The following DMD variants were observed in gnomAD, a reference collection of about 807,000 sequenced individuals.
The protein encoded by DMD is dystrophin.
A neutral mutation model predicts 330.1 loss-of-function variants in DMD; 63 were observed. The observed-to-expected ratio is 0.19, with a 90% CI of 0.16 to 0.24. The LOEUF is 0.24. Ranked by LOEUF, DMD falls within the 10% of genes least tolerant of loss-of-function variation. The pLI is 1.00. For synonymous variants in DMD, 1,223 were observed against 959.8 expected (o/e 1.27, Z -5.07); for missense variants, 3,344 against 2,684.1 (o/e 1.25, Z -5.43).
chrX:31,760,779 T>G (rs1343736639), intron 51 of DMD, among the ~76,000 whole-genome samples: 1 of 111,434 alleles, frequency 9.0e-6, no homozygotes, highest in African/African-American at 3.3e-5. Context: ...ATTTTTCTCT[T>G]ACCTTCCTTA....
chrX:31,188,255 G>C (rs1200887469), intron 67 of DMD, among the ~76,000 whole-genome samples: 5 of 111,420 alleles, frequency 4.5e-5, no homozygotes, highest in African/African-American at 1.3e-4. Context: ...CTTTTGTCTG[G>C]CAATGAAGAA....
intron 52 of DMD, among the ~76,000 whole-genome samples, chrX:31,707,671 A>C (rs1392543861): frequency 8.9e-6 from 1 of 111,918 alleles, no homozygotes; most frequent in Non-Finnish European, 1.9e-5. Context: ...CAATGAGAGA[A>C]GGATATAGGA....
chrX:33,057,861 A>T (rs2148103), intron 1 of DMD, among the ~76,000 whole-genome samples: 612 of 110,044 alleles, frequency 5.6e-3, no homozygotes, highest in Middle Eastern at 9.3e-3. Context: ...GATATACCCA[A>T]TTTTTGTTTT....
intron 74 of DMD, among the ~76,000 whole-genome samples, chrX:31,159,256 A>G (rs2148064599): frequency 9.0e-6 from 1 of 111,696 alleles, no homozygotes; most frequent in African/African-American, 3.3e-5. Context: ...AAAGACTGGG[A>G]ATCATGCTCA....
chrX:32,483,332 T>C (rs929120986), intron 21 of DMD, among the ~76,000 whole-genome samples: 2 of 105,269 alleles, frequency 1.9e-5, no homozygotes, highest in Non-Finnish European at 3.9e-5. Context: ...TTTGTAGGTA[T>C]GAAATTTAAA....
At chrX:32,141,420 A>G (rs1308323038) in intron 44 of DMD, among the ~76,000 whole-genome samples, 1 of 104,496 alleles carries the variant, frequency 9.6e-6, no homozygotes, top group Non-Finnish European at 2.0e-5. Flanking sequence ...TGGGTGACAG[A>G]GCGAGACTCC....
intron 44 of DMD, among the ~76,000 whole-genome samples, chrX:32,178,832 T>G (rs1457364000): frequency 1.7e-4 from 8 of 46,951 alleles, no homozygotes; most frequent in Non-Finnish European, 3.7e-4. Context: ...TTCCAGGGGG[T>G]GTGTGTGTGT....
intron 44 of DMD, among the ~76,000 whole-genome samples, chrX:32,122,853 A>G (rs2096642849): frequency 9.0e-6 from 1 of 111,218 alleles, no homozygotes. Context: ...ACTACTCATA[A>G]GGACTTTTCT....
intron 45 of DMD, among the ~76,000 whole-genome samples, chrX:31,951,192 A>C (rs2095174469): frequency 1.2e-5 from 1 of 81,827 alleles, no homozygotes; most frequent in African/African-American, 5.3e-5. Context: ...TATATATCTT[A>C]ATAGATATCT....
At chrX:32,022,905 T>C (rs1421376077) in intron 44 of DMD, among the ~76,000 whole-genome samples, 3 of 105,595 alleles carry the variant, frequency 2.8e-5, no homozygotes, top group Non-Finnish European at 5.8e-5. Context: ...CGATCTCGGC[T>C]CACTGCAAAC....
At chrX:31,420,545 C>A (rs184665128) in intron 60 of DMD, among the ~76,000 whole-genome samples, 13 of 112,422 alleles carry the variant, frequency 1.2e-4, no homozygotes, top group Middle Eastern at 4.6e-3. Context: ...ACCCTTATAG[C>A]AAGTTAGTTT....
intron 52 of DMD, among the ~76,000 whole-genome samples, chrX:31,713,071 A>G (rs1389927218): frequency 9.0e-6 from 1 of 111,262 alleles, no homozygotes; most frequent in African/African-American, 3.3e-5. Context: ...TCTCACCCTA[A>G]CAAGGGTTAA....
At chrX:32,431,118 AT>A (rs1194849827) in intron 29 of DMD, among the ~76,000 whole-genome samples, 82 of 108,206 alleles carry the variant, frequency 7.6e-4, no homozygotes, top group African/African-American at 2.0e-3. Flanking sequence ...TCTATTTTTA[AT>A]TTTTTTTTTG....
chrX:31,283,089 T>G (rs1380404498), intron 62 of DMD, among the ~76,000 whole-genome samples: 1 of 111,948 alleles, frequency 8.9e-6, no homozygotes, highest in Non-Finnish European at 1.9e-5. Context: ...AATCAAATAT[T>G]AGGCAAAATT....
chrX:31,844,204 T>C (rs756905230), intron 48 of DMD, among the ~76,000 whole-genome samples: 3 of 111,650 alleles, frequency 2.7e-5, no homozygotes, highest in South Asian at 7.6e-4. Flanking sequence ...AGTTAATTTT[T>C]GTATATAGTG....
chrX:32,260,863 A>G (rs2097319863), intron 43 of DMD, among the ~76,000 whole-genome samples: 1 of 111,962 alleles, frequency 8.9e-6, no homozygotes, highest in Non-Finnish European at 1.9e-5. Flanking sequence ...AGAAGTATGG[A>G]ATAAGGGTAT....
chrX:31,131,750 A>G (rs1284207398), intron 77 of DMD, among the ~76,000 whole-genome samples: 1 of 111,920 alleles, frequency 8.9e-6, no homozygotes, highest in Non-Finnish European at 1.9e-5. Flanking sequence ...ATTAAAAAAC[A>G]AAAGTGCTTT....
chrX:32,335,901 CAT>C (rs1182401586), intron 41 of DMD, among the ~76,000 whole-genome samples: 1 of 103,738 alleles, frequency 9.6e-6, no homozygotes, highest in African/African-American at 3.5e-5. Flanking sequence ...ACATGTTATA[CAT>C]ATAACGTGTA....
chrX:31,241,842 C>T lies in DMD; in HGVS notation c.9287-18721G>A, dbSNP rs149236157. ...ACACAGAAGACGGACTTCATTATTT[C>T]TCTTTTCTGAAGATTTAACAATGTT... On this transcript the variant is annotated intron_variant, in intron 63 of 78. Coordinates refer to ENST00000357033, the MANE Select transcript of DMD (RefSeq NM_004006.3). Among the ~76,000 whole-genome samples, 257 of 111,857 alleles carry T rather than the reference C, an allele frequency of 2.3e-3. 4 individuals are homozygous for T. In the East Asian group the frequency reaches 0.057, roughly 25 times the overall value.
Sources: allele counts gnomAD v4.1 joint callset (sites outside exome capture counted in the v4.1 genomes callset), GRCh38; gene constraint gnomAD v4.1.1; transcripts MANE v1.5; gene names NCBI Gene and HGNC (gene_info 2026-07-23, HGNC 2026-07-21).